Variants in UBR3 observed in about 807,000 individuals in gnomAD.
UBR3 encodes the protein E3 ubiquitin-protein ligase UBR3.
UBR3 carries 85 observed loss-of-function variants against 243.2 expected under a neutral mutation model. The observed-to-expected ratio is 0.35, with a 90% CI of 0.29 to 0.42. UBR3 has a LOEUF of 0.42. Among genes scored for constraint, UBR3 ranks in the 10% least tolerant of loss-of-function variants. The pLI is 1.00. For synonymous variants in UBR3, 748 were observed against 799.8 expected, an observed-to-expected ratio of 0.94 and a Z score of 1.09; for missense variants, 1,686 against 2,300.8, an observed-to-expected ratio of 0.73 and a Z score of 5.47.
chr2:169,955,793 CAA>C lies in UBR3; in HGVS notation c.3546-2628_3546-2627del, dbSNP rs56238118. ...TGGGCCATAGAGTGAGACTCCATCT[CAA>C]AAAAAAAAAAAAAAAAGATGTTGCA... On this transcript the variant is annotated intron_variant, in intron 23 of 38. Coordinates refer to ENST00000272793, the MANE Select transcript of UBR3 (RefSeq NM_172070.4). 2.7e-4 allele frequency among the ~76,000 whole-genome samples: 21 copies of C among 78,544 alleles called. No homozygotes were observed. In the Admixed American group the frequency reaches 3.0e-3, roughly 11 times the overall value. The allele number at this position is 78,544 out of a possible 152,430, so 51.5% of individuals were successfully genotyped here.
chr2:170,080,297 A>G, intron 37 of UBR3: 1 of 567,106 alleles, frequency 1.8e-6, no homozygotes, highest in South Asian at 2.7e-5. Context: ...AACAGAAGTC[A>G]TCTGTGCTGT....
At chr2:169,988,717 G>T (rs531888741) in intron 25 of UBR3, among the ~76,000 whole-genome samples, 70 of 152,202 alleles carry the variant, frequency 4.6e-4, no homozygotes, top group Non-Finnish European at 6.9e-4. Flanking sequence ...TGGGAGGATT[G>T]CCTGAGCCCA....
intron 29 of UBR3, among the ~76,000 whole-genome samples, chr2:170,009,303 G>A (rs1327580418): frequency 1.3e-5 from 2 of 151,962 alleles, no homozygotes; most frequent in African/African-American, 4.8e-5. Flanking sequence ...TTTGATTTAT[G>A]GAAAAATAAG....
At chr2:170,022,203 C>T (rs1452944696) in intron 30 of UBR3, among the ~76,000 whole-genome samples, 6 of 152,108 alleles carry the variant, frequency 3.9e-5, no homozygotes, top group Non-Finnish European at 1.5e-5. Context: ...TCCCTGAAAC[C>T]TTAAAGTAGA....
At chr2:169,937,529 A>G (rs2086391006) in intron 19 of UBR3, among the ~76,000 whole-genome samples, 2 of 152,150 alleles carry the variant, frequency 1.3e-5, no homozygotes, top group African/African-American at 4.8e-5. Flanking sequence ...CCATTTGTCA[A>G]TTTTGGCTTT....
At chr2:170,036,630 T>A (rs2090839348) in intron 31 of UBR3, among the ~76,000 whole-genome samples, 1 of 152,120 alleles carries the variant, frequency 6.6e-6, no homozygotes, top group African/African-American at 2.4e-5. Flanking sequence ...TTATATTTAT[T>A]AGCTATTTGT....
At chr2:169,856,285 C>T (rs1457264553) in intron 1 of UBR3, among the ~76,000 whole-genome samples, 1 of 151,432 alleles carries the variant, frequency 6.6e-6, no homozygotes, top group Non-Finnish European at 1.5e-5. Flanking sequence ...GGCAGCCGGG[C>T]AGAGACGCTC....
Position 169,897,282 on chromosome 2 carries a change from C to T in UBR3, c.1465+547C>T, listed in dbSNP as rs150812799. Among the ~76,000 whole-genome samples the T allele has an allele frequency of 2.2e-3, 342 of 152,050 alleles. 1 individual carries two copies. The highest frequency in any genetic ancestry group is 3.8e-3 in the Non-Finnish European group (260 of 67,970). ...TTATAACTTAAAAATTGGGATAAAT[C>T]TTGCCTTTACTCCCTTAGTGAGAAC... On this transcript the variant is annotated intron_variant, in intron 8 of 38. Transcript: ENST00000272793.
At chr2:169,839,853 G>C (rs1035515557) in intron 1 of UBR3, among the ~76,000 whole-genome samples, 12 of 152,228 alleles carry the variant, frequency 7.9e-5, no homozygotes, top group Admixed American at 7.2e-4. Context: ...TGTGTTGGGG[G>C]TTGGGTCCCC....
At chr2:170,044,738 C>T (rs1434776190) in intron 32 of UBR3, among the ~76,000 whole-genome samples, 1 of 152,156 alleles carries the variant, frequency 6.6e-6, no homozygotes, top group Non-Finnish European at 1.5e-5. Context: ...GACACTTCTA[C>T]TTCACAGCAC....
rs2081779586 is a variant in UBR3, at chr2:169,827,540, C to T, written c.33C>T (p.Gly11=). Residue 11 remains glycine, a synonymous_variant, in exon 1 of 39, where the codon GGC becomes GGT. Transcript: ENST00000272793. MAAAAAAAVG[G]QQPSQPELPA... ...CGGCGGCCGCGGCGGCCGTCGGGGG[C>T]CAGCAGCCGTCACAGCCCGAGCTGC... The T allele has an allele frequency of 8.1e-7, 1 of 1,231,266 alleles. No individual in the cohort carries two copies. The highest frequency in any genetic ancestry group is 1.0e-6 in the Non-Finnish European group (1 of 989,066). The allele number at this position is 1,231,266 out of a possible 1,614,324, so 76.3% of individuals were successfully genotyped here.
chr2:169,977,805 C>T (rs549178392), intron 24 of UBR3, among the ~76,000 whole-genome samples: 1 of 152,328 alleles, frequency 6.6e-6, no homozygotes, highest in African/African-American at 2.4e-5. Flanking sequence ...AGGCATCCCT[C>T]AATGCAGTCA....
At chr2:170,008,777 T>G (rs569700648) in intron 28 of UBR3, 27 bp from the exon 29 acceptor site, 1 of 1,073,580 alleles carries the variant, frequency 9.3e-7, no homozygotes, top group African/African-American at 1.6e-5. Flanking sequence ...ATATAAACTT[T>G]ATATGTATGT....
At chr2:170,000,251 C>T (rs903673271) in intron 26 of UBR3, among the ~76,000 whole-genome samples, 1 of 151,900 alleles carries the variant, frequency 6.6e-6, no homozygotes, top group Non-Finnish European at 1.5e-5. Context: ...AATATTAAGG[C>T]ATGTTTTTGG....
chr2:169,981,854 A>G (rs73017657), intron 24 of UBR3, among the ~76,000 whole-genome samples: 6,513 of 152,108 alleles, frequency 0.043, 152 homozygotes, highest in Middle Eastern at 0.061. Context: ...CTATACACCA[A>G]CTAAAAAAAG....
At chr2:169,950,913 C>G (rs2086998479) in intron 23 of UBR3, among the ~76,000 whole-genome samples, 1 of 151,648 alleles carries the variant, frequency 6.6e-6, no homozygotes, top group Admixed American at 6.6e-5. Context: ...AGCATGCCTT[C>G]TAATGAGTGT....
chr2:169,858,895 C>T (rs957112941), intron 1 of UBR3, among the ~76,000 whole-genome samples: 6 of 152,020 alleles, frequency 3.9e-5, no homozygotes, highest in Non-Finnish European at 7.4e-5. Flanking sequence ...GCATTGTGCC[C>T]GGCCTCATTT....
intron 5 of UBR3, among the ~76,000 whole-genome samples, chr2:169,881,966 ATG>A (rs1334540499): frequency 7.2e-5 from 7 of 96,994 alleles, no homozygotes; most frequent in Non-Finnish European, 1.6e-4. Flanking sequence ...ATACATACAT[ATG>A]TAATTATATT....
At chr2:170,027,602 A>T (rs925815786) in intron 30 of UBR3, among the ~76,000 whole-genome samples, 2 of 151,844 alleles carry the variant, frequency 1.3e-5, no homozygotes, top group African/African-American at 2.4e-5. Flanking sequence ...GGTAGGAGAT[A>T]TTAAAATGAG....
Sources: allele counts gnomAD v4.1 joint callset (sites outside exome capture counted in the v4.1 genomes callset), GRCh38; gene constraint gnomAD v4.1.1; transcripts MANE v1.5; gene names NCBI Gene and HGNC (gene_info 2026-07-23, HGNC 2026-07-21).